Variants in RLF observed in about 807,000 individuals in gnomAD.
The protein encoded by RLF is zinc finger protein Rlf.
In RLF, 7 loss-of-function variants were observed where a neutral mutation model predicts 162.9. The ratio of observed to expected loss-of-function variants is 0.04; its 90% CI spans 0.02 to 0.08. The LOEUF (loss-of-function observed/expected upper bound fraction) is 0.08. Ranked by LOEUF, RLF falls within the 10% of genes least tolerant of loss-of-function variation. RLF has a pLI of 1.00. For missense variants in RLF, 1,664 were observed against 2,244.7 expected (o/e 0.74, Z 5.23); for synonymous variants, 782 against 791.5 (o/e 0.99, Z 0.20).
Position 40,202,711 on chromosome 1 carries a change from A to G in RLF, c.810+97A>G, listed in dbSNP as rs1419421313. 8.1e-6 allele frequency: 6 copies of G among 744,170 alleles called. No homozygotes were observed. In the African/African-American group the frequency reaches 1.1e-4, roughly 14 times the overall value. 46.1% of individuals were successfully genotyped at this position (744,170 alleles called of 1,614,324 possible). A position where few individuals can be genotyped will look rare whatever the true frequency, so the allele number is the denominator to read the frequency against. On this transcript the variant is annotated intron_variant, in intron 5 of 7. Transcript: ENST00000372771. ...TTTTTTCCCTTTAGAATGAAAACCA[A>G]GATTCATTTTTTTCAGGCTACCAAA...
At chr1:40,210,674 A>C (rs1642853954) in intron 5 of RLF, among the ~76,000 whole-genome samples, 1 of 152,172 alleles carries the variant, frequency 6.6e-6, no homozygotes, top group Non-Finnish European at 1.5e-5. Context: ...AGGACAAGAG[A>C]TTGTAGCCAG....
chr1:40,207,249 T>C (rs1356602875), intron 5 of RLF, among the ~76,000 whole-genome samples: 3 of 152,238 alleles, frequency 2.0e-5, no homozygotes, highest in African/African-American at 7.2e-5. Context: ...TCCCTTGATC[T>C]TTTGTTACTA....
intron 1 of RLF, among the ~76,000 whole-genome samples, chr1:40,169,476 C>T (rs1642209760): frequency 2.0e-5 from 3 of 150,674 alleles, no homozygotes; most frequent in Middle Eastern, 3.4e-3. Context: ...ATTAGCCGGG[C>T]GCGGTGGCGG....
chr1:40,205,215 A>T (rs1288534220), intron 5 of RLF, among the ~76,000 whole-genome samples: 1 of 152,140 alleles, frequency 6.6e-6, no homozygotes, highest in Admixed American at 6.5e-5. Flanking sequence ...GCACTTAGGG[A>T]GGCCGAGGCA....
intron 4 of RLF, among the ~76,000 whole-genome samples, chr1:40,197,004 A>G (rs977713496): frequency 6.6e-6 from 1 of 152,230 alleles, no homozygotes; most frequent in Non-Finnish European, 1.5e-5. Flanking sequence ...ACTTTAGAAC[A>G]ATTATTACAC....
chr1:40,189,717 G>A (rs547996319), intron 2 of RLF, among the ~76,000 whole-genome samples: 4 of 151,990 alleles, frequency 2.6e-5, no homozygotes, highest in South Asian at 2.1e-4. Flanking sequence ...CACGAGAATC[G>A]CTTGAACCTG....
intron 1 of RLF, among the ~76,000 whole-genome samples, chr1:40,163,113 C>G (rs761872865): frequency 2.0e-5 from 3 of 150,364 alleles, no homozygotes; most frequent in African/African-American, 5.0e-5. Context: ...AGACAATTAA[C>G]TAGAAAAATA....
intron 5 of RLF, among the ~76,000 whole-genome samples, chr1:40,207,653 C>T (rs541824571): frequency 6.6e-6 from 1 of 152,244 alleles, no homozygotes; most frequent in South Asian, 2.1e-4. Context: ...CTCTGTCGCC[C>T]AGCCTGGAGT....
At chr1:40,200,733 C>T (rs1430893377) in intron 4 of RLF, among the ~76,000 whole-genome samples, 1 of 149,254 alleles carries the variant, frequency 6.7e-6, no homozygotes, top group Admixed American at 6.7e-5. Context: ...CTTTTTCTGT[C>T]CTTTTGAAAT....
intron 1 of RLF, among the ~76,000 whole-genome samples, chr1:40,178,619 GTTTTTTTTTTTTGT>G (rs1186083486): frequency 3.5e-5 from 3 of 85,620 alleles, no homozygotes; most frequent in African/African-American, 4.4e-5. Context: ...TGTCTTTGGT[GTTTTTTTTTTTTGT>G]TTTTTTTTTT....
At chr1:40,203,699 A>C (rs1018714816) in intron 5 of RLF, among the ~76,000 whole-genome samples, 1 of 151,998 alleles carries the variant, frequency 6.6e-6, no homozygotes, top group East Asian at 1.9e-4. Flanking sequence ...TTCATCATCT[A>C]CCTTTAATCC....
At chr1:40,211,682 C>T (rs1053213028) in intron 5 of RLF, among the ~76,000 whole-genome samples, 22 of 151,866 alleles carry the variant, frequency 1.4e-4, no homozygotes, top group Admixed American at 9.8e-4. Flanking sequence ...AGTGCAATGG[C>T]GTGATATCGG....
intron 5 of RLF, among the ~76,000 whole-genome samples, chr1:40,218,006 TTTA>T (rs947353785): frequency 6.6e-6 from 1 of 152,220 alleles, no homozygotes; most frequent in Non-Finnish European, 1.5e-5. Context: ...AAGGATAGTT[TTTA>T]TTCTGTTTTC....
At chr1:40,231,376 T>C in intron 6 of RLF, 141 bp from the exon 7 acceptor site, 2 of 626,046 alleles carry the variant, frequency 3.2e-6, no homozygotes, top group Non-Finnish European at 5.6e-6. Flanking sequence ...GAGAAAGCAG[T>C]GGTGAATATA....
intron 5 of RLF, among the ~76,000 whole-genome samples, chr1:40,219,658 A>G (rs1642967391): frequency 6.6e-6 from 1 of 152,212 alleles, no homozygotes. Context: ...AGTCAAGTTA[A>G]TAGGTAATGA....
intron 6 of RLF, among the ~76,000 whole-genome samples, chr1:40,223,919 TACCACCAAA>T (rs1643028926): frequency 6.6e-6 from 1 of 152,274 alleles, no homozygotes; most frequent in East Asian, 1.9e-4. Flanking sequence ...TGTAGTTTTT[TACCACCAAA>T]TCCACTATGC....
chr1:40,177,636 G>A (rs1453347881), intron 1 of RLF, among the ~76,000 whole-genome samples: 1 of 151,994 alleles, frequency 6.6e-6, no homozygotes, highest in Non-Finnish European at 1.5e-5. Context: ...TTGATAAATT[G>A]TGTTTTTCCC....
rs533915728 is a variant in RLF, at chr1:40,190,324, C to T, written c.393-448C>T. ...TTGGTTTTTTTTACAGGTAAAGAAA[C>T]GACTTTGCCAGTCTTCCTGCTTCCT... On this transcript the variant is annotated intron_variant, in intron 2 of 7. Transcript: ENST00000372771. Among the ~76,000 whole-genome samples the T allele has an allele frequency of 2.7e-4, 41 of 152,222 alleles. 1 individual carries two copies. The highest frequency in any genetic ancestry group is 8.2e-4 in the African/African-American group (34 of 41,552).
At chr1:40,223,572 A>G (rs969859004) in intron 6 of RLF, among the ~76,000 whole-genome samples, 2 of 152,252 alleles carry the variant, frequency 1.3e-5, no homozygotes, top group Non-Finnish European at 2.9e-5. Context: ...AGGAAAACCT[A>G]GTAAAGCCTT....
Sources: allele counts gnomAD v4.1 joint callset (sites outside exome capture counted in the v4.1 genomes callset), GRCh38; gene constraint gnomAD v4.1.1; transcripts MANE v1.5; gene names NCBI Gene and HGNC (gene_info 2026-07-23, HGNC 2026-07-21).